Variants in PDCD7 observed in about 807,000 individuals in gnomAD.
PDCD7 encodes the protein programmed cell death protein 7.
In PDCD7, 40 loss-of-function variants were observed where a neutral mutation model predicts 42.1. The observed-to-expected ratio is 0.95, with a 90% confidence interval of 0.74 to 1.24. The LOEUF (loss-of-function observed/expected upper bound fraction) is 1.24. PDCD7 is among the 50% of genes most tolerant of loss of function. PDCD7 has a pLI of 0.00. For missense variants in PDCD7, 644 were observed against 662.8 expected (o/e 0.97, Z 0.31); for synonymous variants, 299 against 303.3 (o/e 0.99, Z 0.15).
At chr15:65,131,452 G>GA in intron 1 of PDCD7, among the ~76,000 whole-genome samples, 1 of 152,122 alleles carries the variant, frequency 6.6e-6, no homozygotes, top group Non-Finnish European at 1.5e-5. Flanking sequence ...CAAAGGTAAT[G>GA]AAAATGCCTT....
Position 65,128,000 on chromosome 15 carries a change from G to C in PDCD7, c.1009+1032C>G, listed in dbSNP as rs551094749. Among the ~76,000 whole-genome samples, 30 of 152,294 alleles carry C rather than the reference G, an allele frequency of 2.0e-4. No individual in the cohort carries two copies. The South Asian group carries it at 3.9e-3, about 20-fold the overall frequency. On this transcript the variant is annotated intron_variant, in intron 2 of 4. Coordinates refer to ENST00000204549, the MANE Select transcript of PDCD7 (RefSeq NM_005707.2). ...TCTGAGGTCTGGATGTGAATTAGCC[G>C]CTCTGAAGGCTAGTATGCAAAAGCC... is the stretch of plus-strand genomic sequence containing the variant.
chr15:65,128,267 CAGG>C (rs1311238828), intron 2 of PDCD7, among the ~76,000 whole-genome samples: 1 of 152,194 alleles, frequency 6.6e-6, no homozygotes, highest in African/African-American at 2.4e-5. Flanking sequence ...TGAGAAGCAA[CAGG>C]AGGTTACCTC....
chr15:65,124,500 T>C (rs749614366), intron 2 of PDCD7, among the ~76,000 whole-genome samples: 2 of 151,776 alleles, frequency 1.3e-5, no homozygotes, highest in Non-Finnish European at 2.9e-5. Flanking sequence ...CCTGGCACCA[T>C]CTAGGTTCCC....
rs372595643 is a variant in PDCD7 at position 65,119,954 on chromosome 15, C to T, written c.1010G>A (p.Gly337Glu). ...ATCTGCTGAGGCTGGAGGACAGACC[C>T]CTGGGCAGACAGGACAAAATGGCAT... is the stretch of plus-strand genomic sequence containing the variant. ...KLRKEAAARK[G>E]VCPPASADET... The change falls in exon 3 of 5, where the codon GGG (glycine) becomes GAG (glutamate). Residue 337 changes from glycine (G) to glutamate (E), a missense_variant and splice_region_variant. By Grantham distance (98) the Gly-to-Glu change is moderately conservative. Coordinates refer to ENST00000204549, the MANE Select transcript of PDCD7 (RefSeq NM_005707.2). The T allele has an allele frequency of 8.8e-6, 14 of 1,599,310 alleles. No homozygotes were observed. The African/African-American group carries it at 1.8e-4, about 20-fold the overall frequency.
chr15:65,130,377 C>T (rs182989398), intron 1 of PDCD7, among the ~76,000 whole-genome samples: 328 of 151,980 alleles, frequency 2.2e-3, no homozygotes, highest in Non-Finnish European at 3.2e-3. Context: ...AGGCTGGTCC[C>T]GAACTCCTGA....
At chr15:65,130,260 C>T (rs568223450) in intron 1 of PDCD7, among the ~76,000 whole-genome samples, 138 of 148,278 alleles carry the variant, frequency 9.3e-4, no homozygotes, top group African/African-American at 3.0e-3. Flanking sequence ...TGGGTTCAAG[C>T]GATTCCCTGC....
intron 3 of PDCD7, 75 bp from the exon 4 acceptor site, chr15:65,119,538 GC>G: frequency 7.9e-7 from 1 of 1,260,854 alleles, no homozygotes; most frequent in South Asian, 1.2e-5. Context: ...AGGTGACTGA[GC>G]CTATGATTAC....
intron 2 of PDCD7, among the ~76,000 whole-genome samples, chr15:65,128,172 T>C (rs374463029): frequency 5.3e-5 from 8 of 152,334 alleles, no homozygotes; most frequent in African/African-American, 1.4e-4. Flanking sequence ...ATTTGCTAAT[T>C]TGTACACTCT....
intron 2 of PDCD7, among the ~76,000 whole-genome samples, chr15:65,122,933 C>T (rs770355635): frequency 1.5e-4 from 22 of 150,958 alleles, no homozygotes; most frequent in South Asian, 4.2e-4. Flanking sequence ...AACCAGAAAG[C>T]GGGGCTTACA....
Position 65,118,763 on chromosome 15 carries a change from G to T in PDCD7, c.1412C>A (p.Pro471Gln), listed in dbSNP as rs61756022. 1 of 1,608,978 alleles carries T rather than the reference G, an allele frequency of 6.2e-7. No individual in the cohort carries two copies. The highest frequency in any genetic ancestry group is 8.5e-7 in the Non-Finnish European group (1 of 1,177,954). The change falls in exon 5 of 5, where the codon CCG becomes CAG. Residue 471 changes from proline to glutamine, a missense_variant. Physicochemically the swap from Pro to Gln is moderately conservative, Grantham distance 76 (BLOSUM62 -1). Transcript: ENST00000204549. ...TGCCCAGATGTCGTTGCTGGGGAGC[G>T]GGGGAAGGACCCATCCTTGGGGAAC... The part of the protein sequence containing the change: ...NFVPQGWVLP[P>Q]LPSNDIWATA...
intron 1 of PDCD7, among the ~76,000 whole-genome samples, chr15:65,130,221 G>C (rs562866870): frequency 6.9e-6 from 1 of 144,932 alleles, no homozygotes; most frequent in East Asian, 2.0e-4. Flanking sequence ...GCAATGGCGC[G>C]ATCTCGGCTT....
chr15:65,131,536 G>A (rs1337125351), intron 1 of PDCD7, among the ~76,000 whole-genome samples: 1 of 152,108 alleles, frequency 6.6e-6, no homozygotes, highest in East Asian at 1.9e-4. Context: ...ATCACCTGAG[G>A]TCAGGAGTTC....
chr15:65,130,417 C>CAA (rs1323915374), intron 1 of PDCD7, among the ~76,000 whole-genome samples: 1 of 152,060 alleles, frequency 6.6e-6, no homozygotes, highest in African/African-American at 2.4e-5. Flanking sequence ...CTTGGCCTCT[C>CAA]AAAGTGTTGG....
chr15:65,124,615 T>C (rs774949137), intron 2 of PDCD7, among the ~76,000 whole-genome samples: 8 of 152,168 alleles, frequency 5.3e-5, no homozygotes, highest in Admixed American at 6.5e-5. Context: ...GTTCAGTCTG[T>C]GGACCTTGGC....
At chr15:65,130,845 A>G (rs906044158) in intron 1 of PDCD7, among the ~76,000 whole-genome samples, 2 of 145,436 alleles carry the variant, frequency 1.4e-5, no homozygotes, top group Admixed American at 1.4e-4. Flanking sequence ...TCTGTCTCAG[A>G]AAAAAAAAAA....
At position 65,129,097 on chromosome 15, in the gene PDCD7, A is replaced by C. The variant is rs780327713; in HGVS notation, c.944T>G (p.Met315Arg). 1.2e-6 allele frequency: 2 copies of C among 1,613,998 alleles called. No individual in the cohort carries two copies. ...CTCCAAAGCCCGTAGAATGTCCACC[A>C]TTCTTTTGGTATCTGCTTGTTTTTT... ...VRKKQADTKR[M>R]VDILRALEKL... Residue 315 changes from methionine to arginine, a missense_variant, in exon 2 of 5, where the codon ATG (methionine) becomes AGG (arginine). Met to Arg is a moderately conservative substitution (Grantham distance 91, BLOSUM62 -1). Transcript: ENST00000204549.
intron 2 of PDCD7, among the ~76,000 whole-genome samples, chr15:65,127,404 C>G (rs2087505018): frequency 6.6e-6 from 1 of 150,970 alleles, no homozygotes; most frequent in Admixed American, 6.6e-5. Context: ...TTGCAGTGAG[C>G]CGAGATTGCG....
intron 1 of PDCD7, 98 bp downstream of exon 1, chr15:65,132,814 C>T: frequency 6.5e-7 from 1 of 1,529,962 alleles, no homozygotes. Context: ...GCGCGTAAAA[C>T]AGAGGCTTAG....
At chr15:65,125,407 T>C (rs1444048084) in intron 2 of PDCD7, among the ~76,000 whole-genome samples, 1 of 152,178 alleles carries the variant, frequency 6.6e-6, no homozygotes, top group African/African-American at 2.4e-5. Flanking sequence ...ATACTGATGT[T>C]GCTCTTTCCT....
Sources: allele counts gnomAD v4.1 joint callset (sites outside exome capture counted in the v4.1 genomes callset), GRCh38; gene constraint gnomAD v4.1.1; transcripts MANE v1.5; gene names NCBI Gene and HGNC (gene_info 2026-07-23, HGNC 2026-07-21).